RUNDC3B: variants seen among roughly 807,000 people sequenced by gnomAD.
RUNDC3B encodes the protein RUN domain-containing protein 3B.
In RUNDC3B, 33 loss-of-function variants were observed where a neutral mutation model predicts 58.4. That is an observed-to-expected ratio of 0.56 (90% confidence interval 0.43 to 0.75). The LOEUF (loss-of-function observed/expected upper bound fraction) is 0.75. Among genes scored for constraint, RUNDC3B ranks in the 30% least tolerant of loss-of-function variants. RUNDC3B has a pLI of 0.00. For synonymous variants in RUNDC3B, 193 were observed against 195.2 expected (o/e 0.99, Z 0.10); for missense variants, 501 against 535.7 (o/e 0.94, Z 0.64).
At chr7:87,790,322 G>A (rs1288939066) in intron 8 of RUNDC3B, among the ~76,000 whole-genome samples, 1 of 152,154 alleles carries the variant, frequency 6.6e-6, no homozygotes, top group African/African-American at 2.4e-5. Context: ...GTGTTATTGG[G>A]CTTGGGGCCA....
chr7:87,645,146 G>A (rs1202026319), intron 1 of RUNDC3B, among the ~76,000 whole-genome samples: 1 of 149,274 alleles, frequency 6.7e-6, no homozygotes, highest in African/African-American at 2.5e-5. Context: ...GCAGTGGCAC[G>A]ATCTCGGATC....
chr7:87,666,900 A>G (rs559094464), intron 2 of RUNDC3B, among the ~76,000 whole-genome samples: 79 of 152,138 alleles, frequency 5.2e-4, no homozygotes, highest in African/African-American at 1.9e-3. Context: ...GCCTTGTGGT[A>G]TAGTTTGAAG....
intron 1 of RUNDC3B, 104 bp downstream of exon 1, chr7:87,629,049 A>ATCAT: frequency 9.1e-7 from 1 of 1,104,958 alleles, no homozygotes. Flanking sequence ...GCTGCCGCCC[A>ATCAT]GTGCCCCCGC....
At chr7:87,749,669 C>G (rs1420111856) in intron 6 of RUNDC3B, among the ~76,000 whole-genome samples, 2 of 151,982 alleles carry the variant, frequency 1.3e-5, no homozygotes, top group African/African-American at 2.4e-5. Flanking sequence ...TCCCTCCCCC[C>G]ACATTGCTGC....
intron 9 of RUNDC3B, among the ~76,000 whole-genome samples, chr7:87,811,870 C>T (rs920906533): frequency 1.3e-5 from 2 of 152,142 alleles, no homozygotes; most frequent in Non-Finnish European, 2.9e-5. Context: ...TCTCCTGTAG[C>T]AAATGATTAT....
intron 2 of RUNDC3B, among the ~76,000 whole-genome samples, chr7:87,700,010 T>C (rs79932554): frequency 6.6e-6 from 1 of 152,138 alleles, no homozygotes; most frequent in Non-Finnish European, 1.5e-5. Context: ...GGTTTTTTTT[T>C]CTGTTTTTTT....
intron 8 of RUNDC3B, among the ~76,000 whole-genome samples, chr7:87,782,147 T>C (rs1834960839): frequency 6.6e-6 from 1 of 151,692 alleles, no homozygotes; most frequent in South Asian, 2.1e-4. Flanking sequence ...ATTACTGTTT[T>C]AGAGCTTATT....
At chr7:87,683,576 G>C (rs896740250) in intron 2 of RUNDC3B, among the ~76,000 whole-genome samples, 2 of 152,180 alleles carry the variant, frequency 1.3e-5, no homozygotes, top group African/African-American at 4.8e-5. Context: ...ATGGCCGGTA[G>C]CTGGAGCATT....
At chr7:87,663,698 T>A (rs1480949902) in intron 2 of RUNDC3B, among the ~76,000 whole-genome samples, 1 of 152,162 alleles carries the variant, frequency 6.6e-6, no homozygotes, top group African/African-American at 2.4e-5. Flanking sequence ...ATTCTCTGAG[T>A]GTTCTTAGAG....
intron 4 of RUNDC3B, among the ~76,000 whole-genome samples, chr7:87,730,251 C>T (rs376631945): frequency 6.6e-6 from 1 of 152,138 alleles, no homozygotes; most frequent in East Asian, 1.9e-4. Flanking sequence ...AGCTCAGCCA[C>T]AGTGATGTAG....
At chr7:87,819,875 C>G (rs1837314136) in intron 10 of RUNDC3B, among the ~76,000 whole-genome samples, 1 of 152,138 alleles carries the variant, frequency 6.6e-6, no homozygotes, top group African/African-American at 2.4e-5. Flanking sequence ...ATCTCTGGGA[C>G]ACATTCAAAG....
In RUNDC3B at chr7:87,832,041, T is replaced by C. The variant is rs1233172367; in HGVS notation, c.*2011T>C. 1 of 151,946 alleles carries C rather than the reference T, an allele frequency of 6.6e-6. No homozygotes were observed. The highest frequency in any genetic ancestry group is 1.5e-5 in the Non-Finnish European group (1 of 67,888). 9.4% of individuals were successfully genotyped at this position (151,946 alleles called of 1,614,324 possible). A position where few individuals can be genotyped will look rare whatever the true frequency, so the allele number is the denominator to read the frequency against. On this transcript the variant is annotated 3_prime_UTR_variant, in exon 11 of 11. Transcript: ENST00000394654. ...ATGACTTTTCCTCCTTTCTTGGAGA[T>C]CTTGGTATAAAATTCATCTGCTGTT...
chr7:87,779,032 A>AT (rs1834798683), intron 8 of RUNDC3B, among the ~76,000 whole-genome samples: 2 of 152,072 alleles, frequency 1.3e-5, no homozygotes, highest in Admixed American at 1.3e-4. Flanking sequence ...ACACACATAC[A>AT]TTTTTTAACC....
At chr7:87,814,122 T>TG (rs1836893620) in intron 9 of RUNDC3B, among the ~76,000 whole-genome samples, 1 of 149,494 alleles carries the variant, frequency 6.7e-6, no homozygotes, top group African/African-American at 2.5e-5. Flanking sequence ...TTTTTTGAGA[T>TG]GGAGTTTCAC....
chr7:87,770,445 T>G, intron 6 of RUNDC3B, 136 bp from the exon 7 acceptor site: 1 of 741,878 alleles, frequency 1.3e-6, no homozygotes, highest in Non-Finnish European at 2.2e-6. Flanking sequence ...GCTTAAATCT[T>G]TATAATATCA....
At chr7:87,670,985 C>G (rs1825772989) in intron 2 of RUNDC3B, among the ~76,000 whole-genome samples, 1 of 152,164 alleles carries the variant, frequency 6.6e-6, no homozygotes, top group African/African-American at 2.4e-5. Flanking sequence ...GTTTATGTTT[C>G]TTTCTCAAGT....
chr7:87,807,992 C>G (rs971406043), intron 9 of RUNDC3B, among the ~76,000 whole-genome samples: 2 of 151,944 alleles, frequency 1.3e-5, no homozygotes, highest in Non-Finnish European at 2.9e-5. Flanking sequence ...TTCTTTGTCC[C>G]GATGTTCAGG....
chr7:87,741,221 A>C (rs997004318), intron 5 of RUNDC3B, among the ~76,000 whole-genome samples: 6 of 151,950 alleles, frequency 3.9e-5, no homozygotes, highest in Non-Finnish European at 8.8e-5. Flanking sequence ...AAAGAAAAAA[A>C]AAAACAAACA....
intron 6 of RUNDC3B, among the ~76,000 whole-genome samples, chr7:87,762,238 C>T (rs1366686560): frequency 6.6e-6 from 1 of 151,436 alleles, no homozygotes. Context: ...TATAGTTTTT[C>T]TCCTTGTTCA....
Sources: gnomAD v4.1 joint callset for allele counts (sites outside exome capture counted in the v4.1 genomes callset) on GRCh38, gnomAD v4.1.1 for gene constraint, MANE v1.5 for transcripts, NCBI Gene and HGNC (gene_info 2026-07-23, HGNC 2026-07-21) for gene names.